Variants in ZSWIM5 observed in about 807,000 individuals in gnomAD.
The protein encoded by ZSWIM5 is zinc finger SWIM-type containing 5, also known as zinc finger SWIM domain-containing protein 5.
ZSWIM5 carries 55 observed loss-of-function variants against 119.6 expected under a neutral mutation model. The observed-to-expected ratio is 0.46, with a 90% CI of 0.37 to 0.58. The LOEUF (loss-of-function observed/expected upper bound fraction) is 0.58, where lower values mean the gene tolerates loss of function less well. Among genes scored for constraint, ZSWIM5 ranks in the 20% least tolerant of loss-of-function variants. The pLI is 0.00. For missense variants in ZSWIM5, 1,193 were observed against 1,512.8 expected, an observed-to-expected ratio of 0.79 and a Z score of 3.51; for synonymous variants, 537 against 606.9, an observed-to-expected ratio of 0.88 and a Z score of 1.69.
intron 6 of ZSWIM5, among the ~76,000 whole-genome samples, chr1:45,041,209 T>C (rs1553188732): frequency 1.3e-5 from 2 of 152,180 alleles, no homozygotes; most frequent in Non-Finnish European, 2.9e-5. Flanking sequence ...CTTCAGAGTA[T>C]GGCAAATAGT....
rs369622473 is a variant in ZSWIM5 at position 45,034,275 on chromosome 1, C to T, written c.2449+37G>A. 1.3e-4 allele frequency: 198 copies of T among 1,535,870 alleles called. 2 individuals carry two copies. Among genetic ancestry groups the T allele is most frequent in the African/African-American group, 1.2e-3 (89 of 72,852 alleles). ...GACATGCCATGGTTGGGCAGGCAGA[C>T]GGGTGATGCTGGAGCTTAAGGTCTA... On this transcript the variant is annotated intron_variant, in intron 11 of 13. Transcript: ENST00000359600.
intron 1 of ZSWIM5, among the ~76,000 whole-genome samples, chr1:45,170,376 C>T (rs1470598371): frequency 6.6e-6 from 1 of 151,090 alleles, no homozygotes; most frequent in Non-Finnish European, 1.5e-5. Context: ...AATCAGAAGA[C>T]AGTTTTAATT....
At position 45,142,963 on chromosome 1, in the gene ZSWIM5, G is replaced by A. The variant is rs533357445; in HGVS notation, c.596-54726C>T. ...AGGTGAGCGGGTCACACGAGCCCAGGAGTTTGAGACTAGCCTGGGCAACAT... is the reference window on the plus strand; with the variant it reads ...AGGTGAGCGGGTCACACGAGCCCAGAAGTTTGAGACTAGCCTGGGCAACAT... On this transcript the variant is annotated intron_variant, in intron 1 of 13. Coordinates refer to ENST00000359600, the MANE Select transcript of ZSWIM5 (RefSeq NM_020883.2). Among the ~76,000 whole-genome samples, 18 of 150,336 alleles carry A rather than the reference G, an allele frequency of 1.2e-4. No individual in the cohort carries two copies. The South Asian group carries it at 1.5e-3, about 12-fold the overall frequency.
chr1:45,169,905 A>G (rs772863967), intron 1 of ZSWIM5, among the ~76,000 whole-genome samples: 1 of 152,096 alleles, frequency 6.6e-6, no homozygotes, highest in Non-Finnish European at 1.5e-5. Flanking sequence ...TAGTTATGAA[A>G]CATCATCCTC....
intron 2 of ZSWIM5, chr1:45,070,561 A>G: frequency 4.2e-6 from 2 of 473,572 alleles, no homozygotes; most frequent in South Asian, 5.7e-5. Context: ...TTTTTGTAGT[A>G]TCTAGTTGTT....
Position 45,096,445 on chromosome 1 carries a change from T to TGC in ZSWIM5, c.596-8209_596-8208insGC, listed in dbSNP as rs917534642. On this transcript the variant is annotated intron_variant, in intron 1 of 13. Transcript: ENST00000359600. ...TGGTAGATAACTGTTTGTGTGTGTGTGTGTGTGTGTGTGTGTGCGTGTGTG... is the reference window on the plus strand; with the variant it reads ...TGGTAGATAACTGTTTGTGTGTGTGTGCGTGTGTGTGTGTGTGTGCGTGTGTG... Among the ~76,000 whole-genome samples, 5 of 150,452 alleles carry TGC rather than the reference T, an allele frequency of 3.3e-5. No individual in the cohort carries two copies. The South Asian group carries it at 1.0e-3, about 31-fold the overall frequency.
intron 2 of ZSWIM5, among the ~76,000 whole-genome samples, chr1:45,062,524 AG>A (rs1645158771): frequency 6.6e-6 from 1 of 152,180 alleles, no homozygotes; most frequent in African/African-American, 2.4e-5. Flanking sequence ...TGTTTTAGAC[AG>A]GGTCTCACTC....
intron 2 of ZSWIM5, among the ~76,000 whole-genome samples, chr1:45,063,468 C>T (rs1645164705): frequency 6.6e-6 from 1 of 152,138 alleles, no homozygotes. Context: ...TCCAAATGCC[C>T]TAGCATGCCA....
chr1:45,047,139 A>G (rs1054605070), intron 5 of ZSWIM5, among the ~76,000 whole-genome samples: 10 of 152,160 alleles, frequency 6.6e-5, no homozygotes, highest in Non-Finnish European at 1.5e-4. Context: ...ACGGTCAATG[A>G]ACTGAGAACC....
chr1:45,059,989 C>T, intron 3 of ZSWIM5, 110 bp downstream of exon 3: 4 of 1,339,956 alleles, frequency 3.0e-6, no homozygotes, highest in Non-Finnish European at 4.1e-6. Flanking sequence ...TTCAGTTCAG[C>T]TATGTCAAGT....
At chr1:45,065,136 T>A (rs1278980514) in intron 2 of ZSWIM5, among the ~76,000 whole-genome samples, 1 of 152,108 alleles carries the variant, frequency 6.6e-6, no homozygotes, top group East Asian at 1.9e-4. Context: ...GGTTATGGAG[T>A]CTAACTCCTA....
intron 1 of ZSWIM5, among the ~76,000 whole-genome samples, chr1:45,159,425 A>C (rs1645849794): frequency 6.6e-6 from 1 of 152,220 alleles, no homozygotes; most frequent in African/African-American, 2.4e-5. Flanking sequence ...AAATAAGTTT[A>C]TAAACCTCTT....
chr1:45,150,171 T>TAAAAAAAAA (rs59869691), intron 1 of ZSWIM5, among the ~76,000 whole-genome samples: 2 of 93,376 alleles, frequency 2.1e-5, no homozygotes, highest in Non-Finnish European at 4.4e-5. Flanking sequence ...CTCTATCTCT[T>TAAAAAAAAA]AAAAAAAAAA....
At chr1:45,142,148 C>G (rs905449738) in intron 1 of ZSWIM5, among the ~76,000 whole-genome samples, 3 of 151,864 alleles carry the variant, frequency 2.0e-5, no homozygotes, top group Non-Finnish European at 2.9e-5. Flanking sequence ...GAAGCTGAGG[C>G]TGCAGTGAGC....
chr1:45,166,219 CAT>C (rs1490025562), intron 1 of ZSWIM5, among the ~76,000 whole-genome samples: 1 of 152,078 alleles, frequency 6.6e-6, no homozygotes, highest in Non-Finnish European at 1.5e-5. Context: ...ATAAAAACCA[CAT>C]GATTATCTCA....
intron 1 of ZSWIM5, among the ~76,000 whole-genome samples, chr1:45,175,641 G>A (rs912836563): frequency 6.6e-6 from 1 of 151,564 alleles, no homozygotes; most frequent in Non-Finnish European, 1.5e-5. Context: ...TTGTAGAGAC[G>A]GTGTTTTGCC....
intron 1 of ZSWIM5, among the ~76,000 whole-genome samples, chr1:45,176,164 A>G (rs1231962993): frequency 6.7e-6 from 1 of 149,162 alleles, no homozygotes; most frequent in Non-Finnish European, 1.5e-5. Context: ...TTATATATAT[A>G]TTCCAATATA....
intron 1 of ZSWIM5, among the ~76,000 whole-genome samples, chr1:45,160,662 T>TC (rs1645857898): frequency 6.6e-6 from 1 of 151,742 alleles, no homozygotes; most frequent in African/African-American, 2.4e-5. Flanking sequence ...TACCACTTTT[T>TC]TTTTTTTTTG....
At chr1:45,157,950 C>T (rs1570161439) in intron 1 of ZSWIM5, among the ~76,000 whole-genome samples, 1 of 151,944 alleles carries the variant, frequency 6.6e-6, no homozygotes, top group East Asian at 1.9e-4. Context: ...GTTTAATATC[C>T]ATTTGTATAT....
Sources: allele counts gnomAD v4.1 joint callset (sites outside exome capture counted in the v4.1 genomes callset), GRCh38; gene constraint gnomAD v4.1.1; transcripts MANE v1.5; gene names NCBI Gene and HGNC (gene_info 2026-07-23, HGNC 2026-07-21).